The following CSRNP3 variants were observed in gnomAD, a reference collection of about 807,000 sequenced individuals.
CSRNP3 encodes the protein cysteine and serine rich nuclear protein 3.
A neutral mutation model predicts 48.0 loss-of-function variants in CSRNP3; 12 were observed. The ratio of observed to expected loss-of-function variants is 0.25; its 90% CI spans 0.16 to 0.41. The LOEUF (loss-of-function observed/expected upper bound fraction) is 0.41. Ranked by LOEUF, CSRNP3 falls within the 10% of genes least tolerant of loss-of-function variation. The pLI, the probability that CSRNP3 is intolerant of heterozygous loss-of-function variation, is 1.00. For missense variants in CSRNP3, 580 were observed against 724.4 expected, an observed-to-expected ratio of 0.80 and a Z score of 2.29; for synonymous variants, 263 against 269.7, an observed-to-expected ratio of 0.98 and a Z score of 0.24.
intron 3 of CSRNP3, among the ~76,000 whole-genome samples, chr2:165,585,982 T>C (rs1685622742): frequency 6.6e-6 from 1 of 152,146 alleles, no homozygotes; most frequent in South Asian, 2.1e-4. Context: ...CTACACAGTG[T>C]GATGGAATAA....
At chr2:165,581,469 T>A (rs1190054555) in intron 3 of CSRNP3, among the ~76,000 whole-genome samples, 1 of 152,174 alleles carries the variant, frequency 6.6e-6, no homozygotes, top group East Asian at 1.9e-4. Context: ...TTGTCATTTA[T>A]TCTCAGATAG....
intron 4 of CSRNP3, 141 bp from the exon 5 acceptor site, chr2:165,657,620 T>C: frequency 1.1e-6 from 1 of 908,934 alleles, no homozygotes; most frequent in South Asian, 1.7e-5. Flanking sequence ...CTATGCCAAC[T>C]CTGGGATATA....
At position 165,678,982 on chromosome 2, in the gene CSRNP3, C is replaced by A; in HGVS notation, c.987C>A (p.His329Gln). The change falls in exon 7 of 7, where the codon CAC (histidine) becomes CAA (glutamine). Residue 329 changes from histidine (H) to glutamine (Q), a missense_variant. Transcript: ENST00000651982. ...IETEPQAAVL[H>Q]LQSAEELDCQ... ...CTGAGCCCCAGGCTGCAGTGCTGCACCTGCAGTCGGCTGAAGAATTAGATT... is the reference window on the plus strand; with the variant it reads ...CTGAGCCCCAGGCTGCAGTGCTGCAACTGCAGTCGGCTGAAGAATTAGATT... The A allele has an allele frequency of 6.2e-7, 1 of 1,613,918 alleles. No individual in the cohort carries two copies. Among genetic ancestry groups the A allele is most frequent in the Non-Finnish European group, 8.5e-7 (1 of 1,179,970 alleles).
chr2:165,492,983 C>T (rs201315711), intron 1 of CSRNP3, among the ~76,000 whole-genome samples: 4 of 144,762 alleles, frequency 2.8e-5, no homozygotes, highest in East Asian at 2.0e-4. Context: ...TAGAGGCCGA[C>T]AGAATATGAT....
Position 165,686,704 on chromosome 2 carries a change from G to C in CSRNP3, c.*6951G>C, listed in dbSNP as rs931370065. 1.3e-5 allele frequency: 2 copies of C among 151,926 alleles called. No homozygotes were observed. Among genetic ancestry groups the C allele is most frequent in the African/African-American group, 4.8e-5 (2 of 41,382 alleles). 9.4% of individuals were successfully genotyped at this position (151,926 alleles called of 1,614,324 possible). A position where few individuals can be genotyped will look rare whatever the true frequency, so the allele number is the denominator to read the frequency against. ...ATTTTAAGATGTAATAGTTGGCAAA[G>C]TCATTTCATTTGTGTCTCAAACAAA... On this transcript the variant is annotated 3_prime_UTR_variant, in exon 7 of 7. Transcript: ENST00000651982.
chr2:165,571,520 T>A (rs1685373100), intron 3 of CSRNP3, among the ~76,000 whole-genome samples: 1 of 151,942 alleles, frequency 6.6e-6, no homozygotes, highest in African/African-American at 2.4e-5. Flanking sequence ...TATATTAATG[T>A]AATATTTGTG....
chr2:165,490,159 C>G (rs1279200874), intron 1 of CSRNP3, among the ~76,000 whole-genome samples: 2 of 148,394 alleles, frequency 1.3e-5, no homozygotes, highest in African/African-American at 5.0e-5. Context: ...CAACAACAGA[C>G]AAACAGAGAG....
At chr2:165,642,907 A>G (rs908939973) in intron 4 of CSRNP3, among the ~76,000 whole-genome samples, 4 of 152,204 alleles carry the variant, frequency 2.6e-5, no homozygotes, top group African/African-American at 9.7e-5. Flanking sequence ...TCTGTGCTGT[A>G]TTCTGTCATT....
At chr2:165,649,125 CT>C (rs1686863847) in intron 4 of CSRNP3, among the ~76,000 whole-genome samples, 1 of 152,160 alleles carries the variant, frequency 6.6e-6, no homozygotes, top group Non-Finnish European at 1.5e-5. Context: ...CAAGGGTCAT[CT>C]TTTTATATTA....
At chr2:165,479,467 A>T (rs1465289293) in intron 1 of CSRNP3, among the ~76,000 whole-genome samples, 1 of 152,308 alleles carries the variant, frequency 6.6e-6, no homozygotes, top group East Asian at 1.9e-4. Context: ...TAAGCTCTAA[A>T]TGGTATTATT....
intron 4 of CSRNP3, among the ~76,000 whole-genome samples, chr2:165,640,697 T>A (rs1686708989): frequency 6.6e-6 from 1 of 152,160 alleles, no homozygotes; most frequent in African/African-American, 2.4e-5. Flanking sequence ...CAGGCTATAA[T>A]AAGGAAGAAG....
chr2:165,656,929 T>C (rs1021834545), intron 4 of CSRNP3, among the ~76,000 whole-genome samples: 65 of 152,350 alleles, frequency 4.3e-4, no homozygotes, highest in East Asian at 7.7e-4. Flanking sequence ...GAAATTATAG[T>C]TGTCCCTGGT....
chr2:165,484,735 A>C (rs538549859), intron 1 of CSRNP3, among the ~76,000 whole-genome samples: 7 of 152,218 alleles, frequency 4.6e-5, no homozygotes, highest in African/African-American at 7.2e-5. Context: ...GAAACGGAGT[A>C]GCATCCTATT....
At chr2:165,524,002 A>G (rs1684697891) in intron 3 of CSRNP3, among the ~76,000 whole-genome samples, 1 of 152,220 alleles carries the variant, frequency 6.6e-6, no homozygotes, top group Admixed American at 6.5e-5. Context: ...ATTACAAGTT[A>G]TGCGAAATGT....
At chr2:165,627,722 C>T (rs1379024210) in intron 4 of CSRNP3, among the ~76,000 whole-genome samples, 2 of 152,178 alleles carry the variant, frequency 1.3e-5, no homozygotes, top group African/African-American at 4.8e-5. Context: ...CATGACCTTA[C>T]TCTCACAATC....
chr2:165,516,137 T>C (rs1054818938), intron 2 of CSRNP3, among the ~76,000 whole-genome samples: 1 of 152,102 alleles, frequency 6.6e-6, no homozygotes, highest in South Asian at 2.1e-4. Flanking sequence ...AAAGTCTATA[T>C]TCAGTGGACA....
chr2:165,545,258 G>C (rs754302384), intron 3 of CSRNP3, among the ~76,000 whole-genome samples: 14 of 152,110 alleles, frequency 9.2e-5, no homozygotes, highest in Non-Finnish European at 1.6e-4. Context: ...CAGGAGTTTT[G>C]CTGCAAAGGA....
intron 3 of CSRNP3, among the ~76,000 whole-genome samples, chr2:165,538,402 T>G (rs927728186): frequency 6.6e-6 from 1 of 151,952 alleles, no homozygotes; most frequent in African/African-American, 2.4e-5. Context: ...ACTAGCTTTC[T>G]CCTTCTTTGA....
chr2:165,519,292 A>G (rs1261246703), intron 3 of CSRNP3, among the ~76,000 whole-genome samples: 4 of 151,990 alleles, frequency 2.6e-5, no homozygotes, highest in Non-Finnish European at 4.4e-5. Flanking sequence ...TAATTCGAGT[A>G]CATTGGATTT....
Sources: gnomAD v4.1 joint callset for allele counts (sites outside exome capture counted in the v4.1 genomes callset) on GRCh38, gnomAD v4.1.1 for gene constraint, MANE v1.5 for transcripts, NCBI Gene and HGNC (gene_info 2026-07-23, HGNC 2026-07-21) for gene names.